Variants in NEDD4 observed in about 807,000 individuals in gnomAD.
NEDD4 encodes the protein E3 ubiquitin-protein ligase NEDD4.
NEDD4 carries 99 observed loss-of-function variants against 144.9 expected under a neutral mutation model. That is an observed-to-expected ratio of 0.68 (90% CI 0.58 to 0.81). The LOEUF (loss-of-function observed/expected upper bound fraction) is 0.81. Ranked by LOEUF, NEDD4 falls within the 30% of genes least tolerant of loss-of-function variation. NEDD4 has a pLI of 0.00. For synonymous variants in NEDD4, 318 were observed against 350.6 expected (o/e 0.91, Z 1.04); for missense variants, 985 against 1,065.9 (o/e 0.92, Z 1.06).
At chr15:55,877,885 G>A (rs1167346371) in intron 5 of NEDD4, among the ~76,000 whole-genome samples, 2 of 152,010 alleles carry the variant, frequency 1.3e-5, no homozygotes, top group African/African-American at 4.8e-5. Context: ...GTCATTGAGA[G>A]TCACTTCAGG....
intron 1 of NEDD4, chr15:55,988,016 A>G (rs62045228): frequency 3.2e-4 from 49 of 151,356 alleles, no homozygotes; most frequent in Middle Eastern, 3.4e-3. Context: ...GAAGAAAGTC[A>G]TTGCACACGT....
At chr15:55,957,303 C>T (rs748389427) in intron 2 of NEDD4, among the ~76,000 whole-genome samples, 19 of 152,062 alleles carry the variant, frequency 1.2e-4, no homozygotes, top group Admixed American at 3.9e-4. Context: ...TGCCATACTA[C>T]ATGGCTAAAA....
chr15:55,952,454 T>G (rs2037259080), intron 2 of NEDD4, among the ~76,000 whole-genome samples: 1 of 152,220 alleles, frequency 6.6e-6, no homozygotes, highest in Non-Finnish European at 1.5e-5. Context: ...TTGGACACTT[T>G]ACTTGTCCAT....
At chr15:55,852,666 T>A in intron 12 of NEDD4, 123 bp from the exon 13 acceptor site, 2 of 469,976 alleles carry the variant, frequency 4.3e-6, no homozygotes, top group Non-Finnish European at 6.9e-6. Flanking sequence ...TCTGCTCTGT[T>A]ACTACAGTTT....
At chr15:55,953,669 T>C (rs1318074065) in intron 2 of NEDD4, among the ~76,000 whole-genome samples, 2 of 152,160 alleles carry the variant, frequency 1.3e-5, no homozygotes, top group Non-Finnish European at 2.9e-5. Flanking sequence ...CTCAAACTCT[T>C]GACCTCAGGT....
intron 4 of NEDD4, among the ~76,000 whole-genome samples, chr15:55,938,515 A>T (rs2036935188): frequency 6.6e-6 from 1 of 152,174 alleles, no homozygotes; most frequent in Non-Finnish European, 1.5e-5. Flanking sequence ...CATAGAAGAA[A>T]ACAGAGAAGA....
intron 5 of NEDD4, among the ~76,000 whole-genome samples, chr15:55,886,003 T>C (rs996240615): frequency 6.0e-5 from 9 of 150,894 alleles, no homozygotes; most frequent in Admixed American, 4.0e-4. Flanking sequence ...AACAAAGGGA[T>C]GGAAAAAGGT....
chr15:55,830,121 C>T, intron 28 of NEDD4, 122 bp from the exon 29 acceptor site: 1 of 700,642 alleles, frequency 1.4e-6, no homozygotes. Context: ...TATGTCTTTT[C>T]ACCAGGGGTA....
chr15:55,937,961 G>A (rs868040793), intron 4 of NEDD4, among the ~76,000 whole-genome samples: 14 of 152,284 alleles, frequency 9.2e-5, no homozygotes, highest in South Asian at 6.2e-4. Flanking sequence ...AATTAAGACA[G>A]ACAGAGACGG....
Position 55,840,002 on chromosome 15 carries a change from ATATATATATATATATATATATATATAT to A in NEDD4, c.2031+418_2031+444del, listed in dbSNP as rs2033421909. 9.6e-5 allele frequency among the ~76,000 whole-genome samples: 2 copies of A among 20,810 alleles called. 1 individual carries two copies. Among genetic ancestry groups the A allele is most frequent in the Non-Finnish European group, 1.9e-4 (2 of 10,750 alleles). The allele number at this position is 20,810 out of a possible 152,430, so 13.7% of individuals were successfully genotyped here. A position where few individuals can be genotyped will look rare whatever the true frequency, so the allele number is the denominator to read the frequency against. On this transcript the variant is annotated intron_variant, in intron 21 of 28. Coordinates refer to ENST00000435532, the MANE Select transcript of NEDD4 (RefSeq NM_006154.4). ...AAAAAAAAAAAAAAAAAAAAAAAAT[ATATATATATATATATATATATATATAT>A]ATATATATATATAACATTCATCATA...
intron 4 of NEDD4, among the ~76,000 whole-genome samples, chr15:55,932,586 T>C (rs2036803916): frequency 6.6e-6 from 1 of 152,114 alleles, no homozygotes; most frequent in Non-Finnish European, 1.5e-5. Context: ...AGCTAGGCAA[T>C]ACCATTCAGG....
intron 4 of NEDD4, among the ~76,000 whole-genome samples, chr15:55,925,383 C>T (rs1271086994): frequency 6.6e-6 from 1 of 152,144 alleles, no homozygotes; most frequent in Non-Finnish European, 1.5e-5. Context: ...TAGAGCCACC[C>T]AAAGTGGACA....
intron 2 of NEDD4, among the ~76,000 whole-genome samples, chr15:55,953,277 T>C (rs2037278115): frequency 6.6e-6 from 1 of 150,832 alleles, no homozygotes; most frequent in Non-Finnish European, 1.5e-5. Flanking sequence ...ACGTGAGCCA[T>C]AGCGCTGAGC....
In NEDD4 at chr15:55,928,409, G is replaced by A. The variant is rs56363430; in HGVS notation, c.238-3710C>T. Among the ~76,000 whole-genome samples the A allele has an allele frequency of 5.2e-3, 799 of 152,222 alleles. 4 individuals carry two copies. The highest frequency in any genetic ancestry group is 8.0e-3 in the Non-Finnish European group (541 of 68,006). Reference sequence around the variant, plus strand: ...CCCTACTTAAAAGTTGTCCCCAATGGTCTAAATAACAAAATCCAAAAGCCT... The same window carrying A: ...CCCTACTTAAAAGTTGTCCCCAATGATCTAAATAACAAAATCCAAAAGCCT... On this transcript the variant is annotated intron_variant, in intron 4 of 28. Coordinates refer to ENST00000435532, the MANE Select transcript of NEDD4 (RefSeq NM_006154.4).
At chr15:55,844,318 G>T (rs573179558) in intron 18 of NEDD4, among the ~76,000 whole-genome samples, 125 of 152,254 alleles carry the variant, frequency 8.2e-4, no homozygotes, top group African/African-American at 3.0e-3. Flanking sequence ...CGGTCAGATT[G>T]CTGGGTTCTC....
chr15:55,919,555 G>A (rs1318570922), intron 5 of NEDD4, among the ~76,000 whole-genome samples: 1 of 152,076 alleles, frequency 6.6e-6, no homozygotes, highest in African/African-American at 2.4e-5. Context: ...ATGGGAAATC[G>A]GGGAACTTGC....
At chr15:55,883,164 T>C (rs910083594) in intron 5 of NEDD4, among the ~76,000 whole-genome samples, 5 of 152,192 alleles carry the variant, frequency 3.3e-5, no homozygotes, top group Admixed American at 6.5e-5. Flanking sequence ...CACTTCTCAG[T>C]AGAGTGAATT....
intron 1 of NEDD4, among the ~76,000 whole-genome samples, chr15:55,980,648 T>C (rs768123923): frequency 1.3e-5 from 2 of 152,162 alleles, no homozygotes; most frequent in Non-Finnish European, 2.9e-5. Context: ...CTCACAATGA[T>C]GGCAAATGGA....
intron 5 of NEDD4, among the ~76,000 whole-genome samples, chr15:55,918,957 C>T (rs1321301026): frequency 2.0e-5 from 3 of 152,060 alleles, no homozygotes; most frequent in Non-Finnish European, 4.4e-5. Flanking sequence ...ATAGGCTAAT[C>T]AATGAGATCT....
Sources: gnomAD v4.1 joint callset for allele counts (sites outside exome capture counted in the v4.1 genomes callset) on GRCh38, gnomAD v4.1.1 for gene constraint, MANE v1.5 for transcripts, NCBI Gene and HGNC (gene_info 2026-07-23, HGNC 2026-07-21) for gene names.